Variants in CSGALNACT1 observed in about 807,000 individuals in gnomAD.
The protein encoded by CSGALNACT1 is chondroitin sulfate N-acetylgalactosaminyltransferase 1, also known as beta4GalNAcT-1.
A neutral mutation model predicts 51.0 loss-of-function variants in CSGALNACT1; 52 were observed. The ratio of observed to expected loss-of-function variants is 1.02; its 90% CI spans 0.82 to 1.29. CSGALNACT1 has a LOEUF of 1.29. Ranked by LOEUF, CSGALNACT1 falls within the 50% of genes most tolerant of loss-of-function variation. CSGALNACT1 has a pLI of 0.00. For synonymous variants in CSGALNACT1, 341 were observed against 254.4 expected, an observed-to-expected ratio of 1.34 and a Z score of -3.24; for missense variants, 935 against 679.2, an observed-to-expected ratio of 1.38 and a Z score of -4.19.
intron 6 of CSGALNACT1, among the ~76,000 whole-genome samples, chr8:19,436,724 T>C (rs113679408): frequency 1.1e-4 from 16 of 151,944 alleles, no homozygotes; most frequent in African/African-American, 3.9e-4. Flanking sequence ...CTGGGAAACA[T>C]AGGGAGACAC....
intron 1 of CSGALNACT1, among the ~76,000 whole-genome samples, chr8:19,670,481 T>C (rs1170336626): frequency 2.0e-5 from 3 of 151,968 alleles, no homozygotes; most frequent in African/African-American, 4.8e-5. Flanking sequence ...TGTACATACA[T>C]ACATAATGCC....
chr8:19,509,821 T>C (rs573563692), intron 3 of CSGALNACT1, among the ~76,000 whole-genome samples: 82 of 152,204 alleles, frequency 5.4e-4, no homozygotes, highest in African/African-American at 1.9e-3. Flanking sequence ...GAAAGCAACG[T>C]GTAATTACCA....
intron 1 of CSGALNACT1, among the ~76,000 whole-genome samples, chr8:19,651,737 G>C (rs980766393): frequency 6.6e-6 from 1 of 152,142 alleles, no homozygotes; most frequent in Non-Finnish European, 1.5e-5. Flanking sequence ...ATATGCATGT[G>C]CATTTATGGT....
chr8:19,581,387 TCAAATAATGTCCTCTTAAACTCCC>T (rs1294008774), intron 3 of CSGALNACT1, among the ~76,000 whole-genome samples: 20 of 152,366 alleles, frequency 1.3e-4, no homozygotes, highest in African/African-American at 4.3e-4. Context: ...AGGATAAAGT[TCAAATAATGTCCTCTTAAACTCCC>T]CAAATTAAAA....
intron 6 of CSGALNACT1, among the ~76,000 whole-genome samples, chr8:19,427,800 A>C (rs1048425951): frequency 3.3e-5 from 5 of 151,914 alleles, no homozygotes; most frequent in African/African-American, 1.2e-4. Flanking sequence ...AAAAAAAAAG[A>C]AAGAAAATTA....
At chr8:19,450,643 T>G (rs1398801335) in intron 5 of CSGALNACT1, among the ~76,000 whole-genome samples, 4 of 152,162 alleles carry the variant, frequency 2.6e-5, no homozygotes, top group Non-Finnish European at 5.9e-5. Context: ...ACGCCTGTAA[T>G]CCCAACACTT....
At chr8:19,550,954 G>A (rs966000629) in intron 3 of CSGALNACT1, among the ~76,000 whole-genome samples, 2 of 152,164 alleles carry the variant, frequency 1.3e-5, no homozygotes, top group Non-Finnish European at 2.9e-5. Flanking sequence ...TATTTGTCCA[G>A]ACACGTGGTT....
At chr8:19,509,529 C>T (rs745440469) in intron 3 of CSGALNACT1, among the ~76,000 whole-genome samples, 14 of 147,098 alleles carry the variant, frequency 9.5e-5, no homozygotes, top group East Asian at 8.1e-4. Flanking sequence ...GGCTGAGGCA[C>T]GAGAATCGCT....
At chr8:19,648,013 G>T (rs1411690174) in intron 1 of CSGALNACT1, among the ~76,000 whole-genome samples, 1 of 152,186 alleles carries the variant, frequency 6.6e-6, no homozygotes, top group Admixed American at 6.5e-5. Flanking sequence ...GCTGCAAGTG[G>T]AAAGTAAATA....
At chr8:19,410,684 C>T (rs138400467) in intron 8 of CSGALNACT1, among the ~76,000 whole-genome samples, 2,472 of 152,248 alleles carry the variant, frequency 0.016, 31 homozygotes, top group Non-Finnish European at 0.021. Context: ...ATGGGAACAG[C>T]GTGATGGAGG....
intron 3 of CSGALNACT1, among the ~76,000 whole-genome samples, chr8:19,517,410 A>C (rs1362659196): frequency 1.3e-5 from 2 of 152,204 alleles, no homozygotes; most frequent in Non-Finnish European, 2.9e-5. Context: ...ACTGTACTCC[A>C]GCATAGTCAA....
chr8:19,449,003 C>G (rs762590139), intron 5 of CSGALNACT1, among the ~76,000 whole-genome samples: 4 of 152,074 alleles, frequency 2.6e-5, no homozygotes, highest in Non-Finnish European at 5.9e-5. Flanking sequence ...TCTCCCCTCC[C>G]CTGTGTCGAG....
chr8:19,680,935 T>C (rs1489181800), intron 1 of CSGALNACT1, among the ~76,000 whole-genome samples: 2 of 152,186 alleles, frequency 1.3e-5, no homozygotes, highest in East Asian at 3.9e-4. Flanking sequence ...CATTATCTTA[T>C]GGGACCACAG....
intron 6 of CSGALNACT1, among the ~76,000 whole-genome samples, chr8:19,426,603 C>A (rs777679695): frequency 6.6e-6 from 1 of 152,074 alleles, no homozygotes; most frequent in Non-Finnish European, 1.5e-5. Flanking sequence ...ATAATTATTT[C>A]TTTTTCTTTT....
At chr8:19,755,880 C>G (rs1489266709) in intron 1 of CSGALNACT1, among the ~76,000 whole-genome samples, 1 of 152,170 alleles carries the variant, frequency 6.6e-6, no homozygotes, top group Admixed American at 6.5e-5. Flanking sequence ...TCAAGGCAGA[C>G]GAATTATTAA....
chr8:19,746,678 A>G (rs74543561), intron 1 of CSGALNACT1, among the ~76,000 whole-genome samples: 5,479 of 152,308 alleles, frequency 0.036, 144 homozygotes, highest in Non-Finnish European at 0.053. Context: ...TGGTTCTCTC[A>G]TTAATTCCAA....
chr8:19,590,458 TG>T (rs2047566834), intron 3 of CSGALNACT1, among the ~76,000 whole-genome samples: 1 of 152,140 alleles, frequency 6.6e-6, no homozygotes, highest in Non-Finnish European at 1.5e-5. Flanking sequence ...CAAAATGAGG[TG>T]GTGCCTAATC....
intron 2 of CSGALNACT1, among the ~76,000 whole-genome samples, chr8:19,601,036 A>G (rs867778328): frequency 9.2e-5 from 14 of 151,920 alleles, no homozygotes; most frequent in Admixed American, 8.5e-4. Context: ...GTTTCATACC[A>G]TCGCATGTCA....
At chr8:19,404,838 A>C in exon 10 of CSGALNACT1, 1 of 454,452 alleles carries the variant, frequency 2.2e-6, no homozygotes, top group South Asian at 1.6e-5. Flanking sequence ...AGAAAGTGTC[A>C]TTTTCTTTTC....
Sources: allele counts gnomAD v4.1 joint callset (sites outside exome capture counted in the v4.1 genomes callset), GRCh38; gene constraint gnomAD v4.1.1; transcripts MANE v1.5; gene names NCBI Gene and HGNC (gene_info 2026-07-23, HGNC 2026-07-21).